Variants in POGLUT1 observed in about 807,000 individuals in gnomAD.
POGLUT1 encodes 9630046K23Rik.
In POGLUT1, 32 loss-of-function variants were observed where a neutral mutation model predicts 61.3. That is an observed-to-expected ratio of 0.52 (90% CI 0.39 to 0.70). The LOEUF is 0.70. Ranked by LOEUF, POGLUT1 falls within the 30% of genes least tolerant of loss-of-function variation. The probability of loss-of-function intolerance (pLI) is 0.00; values close to 1 mark genes in which losing one functional copy is unlikely to be tolerated. For missense variants in POGLUT1, 411 were observed against 469.8 expected, an observed-to-expected ratio of 0.87 and a Z score of 1.16; for synonymous variants, 158 against 158.2, an observed-to-expected ratio of 1.00 and a Z score of 0.01.
At chr3:119,472,919 T>C (rs1221596617) in intron 3 of POGLUT1, among the ~76,000 whole-genome samples, 1 of 152,090 alleles carries the variant, frequency 6.6e-6, no homozygotes, top group Non-Finnish European at 1.5e-5. Context: ...TAGTCCTAGC[T>C]ACTTGGGAGG....
At chr3:119,477,216 A>G in intron 3 of POGLUT1, 97 bp from the exon 4 acceptor site, 9 of 1,188,220 alleles carry the variant, frequency 7.6e-6, no homozygotes, top group Non-Finnish European at 1.1e-5. Flanking sequence ...ACACTGGAAC[A>G]CTGGCTTGTC....
rs2081725521 is a variant in POGLUT1, at chr3:119,490,272, C to T, written c.798-279C>T. On this transcript the variant is annotated intron_variant, in intron 8 of 10. Coordinates refer to ENST00000295588, the MANE Select transcript of POGLUT1 (RefSeq NM_152305.3). ...TTCTGAGCCCTGTATACACTCTACC[C>T]GGCACCCAGCTCCTGACCCTATCTA... is the stretch of plus-strand genomic sequence containing the variant. The T allele has an allele frequency of 2.2e-5, 9 of 401,862 alleles. No individual in the cohort carries two copies. In the South Asian group the frequency reaches 2.3e-4, roughly 10 times the overall value. The allele number at this position is 401,862 out of a possible 1,614,324, so 24.9% of individuals were successfully genotyped here.
chr3:119,479,012 C>T (rs1221030368), intron 4 of POGLUT1, among the ~76,000 whole-genome samples: 1 of 152,060 alleles, frequency 6.6e-6, no homozygotes, highest in Non-Finnish European at 1.5e-5. Flanking sequence ...GCAACCTCCA[C>T]CTCCCAGGTT....
chr3:119,477,639 G>A (rs1453031996), intron 4 of POGLUT1, among the ~76,000 whole-genome samples, 191 bp downstream of exon 4: 1 of 152,226 alleles, frequency 6.6e-6, no homozygotes, highest in South Asian at 2.1e-4. Flanking sequence ...TTGAGAGCTG[G>A]TAAGTAGTGT....
At chr3:119,486,712 A>G (rs922721395) in intron 6 of POGLUT1, 121 bp from the exon 7 acceptor site, 8 of 743,132 alleles carry the variant, frequency 1.1e-5, no homozygotes, top group Non-Finnish European at 1.9e-5. Flanking sequence ...TCACGTCACC[A>G]GTGAATTGTC....
At chr3:119,471,728 CACAG>C (rs2081476570) in intron 3 of POGLUT1, 1 of 408,192 alleles carries the variant, frequency 2.4e-6, no homozygotes, top group Admixed American at 3.8e-5. Flanking sequence ...AGCGGCAGGA[CACAG>C]GCTGATGAGG....
intron 5 of POGLUT1, among the ~76,000 whole-genome samples, chr3:119,483,011 TG>T (rs1329215313): frequency 6.6e-6 from 1 of 152,186 alleles, no homozygotes; most frequent in African/African-American, 2.4e-5. Flanking sequence ...ATACACAGTT[TG>T]GGTTTGTGTA....
chr3:119,473,716 A>G (rs766870274), intron 3 of POGLUT1, among the ~76,000 whole-genome samples: 58 of 150,022 alleles, frequency 3.9e-4, no homozygotes, highest in Non-Finnish European at 6.3e-4. Flanking sequence ...TCTGGAGTGC[A>G]GTGGTGTGAT....
chr3:119,477,296 G>C lies in POGLUT1; in HGVS notation c.321-17G>C, dbSNP rs988194632. 6.2e-7 allele frequency: 1 copy of C among 1,613,368 alleles called. No individual in the cohort carries two copies. Among genetic ancestry groups the C allele is most frequent in the African/African-American group, 1.3e-5 (1 of 75,022 alleles). ...CAGGCACTACTCTGCTGAATTTATG[G>C]TATGTCTGGTTGACAGGTGTAGTGG... On this transcript the variant is annotated splice_polypyrimidine_tract_variant and intron_variant, in intron 3 of 10. Transcript: ENST00000295588.
Position 119,469,017 on chromosome 3 carries a change from C to A in POGLUT1, c.-5C>A. On this transcript the variant is annotated 5_prime_UTR_variant, in exon 1 of 11. Transcript: ENST00000295588. ...AGCGGGGAATCTGCAGTAGGTCTGC[C>A]GGCGATGGAGTGGTGGGCTAGCTCG... 6 of 1,606,366 alleles carry A rather than the reference C, an allele frequency of 3.7e-6. No individual in the cohort carries two copies. Among genetic ancestry groups the A allele is most frequent in the Non-Finnish European group, 5.1e-6 (6 of 1,177,644 alleles).
At chr3:119,491,039 A>T (rs2081738115) in intron 9 of POGLUT1, among the ~76,000 whole-genome samples, 1 of 151,912 alleles carries the variant, frequency 6.6e-6, no homozygotes, top group South Asian at 2.1e-4. Context: ...GGATTTTCAG[A>T]TACAGCATGA....
At chr3:119,476,904 A>G (rs2081543663) in intron 3 of POGLUT1, among the ~76,000 whole-genome samples, 1 of 152,226 alleles carries the variant, frequency 6.6e-6, no homozygotes, top group Non-Finnish European at 1.5e-5. Flanking sequence ...CTTTGTGAGG[A>G]GCAAAGCCAA....
Position 119,492,441 on chromosome 3 carries a change from G to C in POGLUT1, c.*3G>C. On this transcript the variant is annotated 3_prime_UTR_variant, in exon 11 of 11. Transcript: ENST00000295588. ...AAATGTTGAAAACTGAACTATAGTA[G>C]TCATCATAGGACCATAGTCCTCTTT... 2 of 1,582,008 alleles carry C rather than the reference G, an allele frequency of 1.3e-6. No individual in the cohort carries two copies. Among genetic ancestry groups the C allele is most frequent in the Non-Finnish European group, 1.7e-6 (2 of 1,158,564 alleles).
chr3:119,470,915 C>T (rs567820270), intron 2 of POGLUT1, among the ~76,000 whole-genome samples: 49 of 152,284 alleles, frequency 3.2e-4, no homozygotes, highest in African/African-American at 1.0e-3. Context: ...GTGGACCAGA[C>T]AGACCAGAAC....
At chr3:119,478,946 G>T (rs1354928373) in intron 4 of POGLUT1, among the ~76,000 whole-genome samples, 4 of 150,380 alleles carry the variant, frequency 2.7e-5, no homozygotes, top group African/African-American at 9.8e-5. Context: ...TTTTTTTGAG[G>T]CAGAGTCTCA....
intron 4 of POGLUT1, chr3:119,478,199 T>C: frequency 2.7e-6 from 1 of 371,072 alleles, no homozygotes; most frequent in South Asian, 2.1e-5. Flanking sequence ...GATGGAAGAT[T>C]CTATGGGGTA....
chr3:119,474,869 A>G (rs752860153), intron 3 of POGLUT1, among the ~76,000 whole-genome samples: 1 of 152,190 alleles, frequency 6.6e-6, no homozygotes, highest in Non-Finnish European at 1.5e-5. Flanking sequence ...AAACTAAATT[A>G]AAAGCCAAAT....
chr3:119,469,781 G>A, intron 1 of POGLUT1, 39 bp from the exon 2 acceptor site: 1 of 1,128,600 alleles, frequency 8.9e-7, no homozygotes, highest in Non-Finnish European at 1.3e-6. Context: ...TAACATTCAG[G>A]AAAATTTTTT....
chr3:119,486,683 G>GTA (rs1430480259), intron 6 of POGLUT1, 150 bp from the exon 7 acceptor site: 3 of 696,886 alleles, frequency 4.3e-6, no homozygotes, highest in Non-Finnish European at 7.8e-6. Flanking sequence ...GCAGTACCCA[G>GTA]TATACCCCTC....
Sources: gnomAD v4.1 joint callset for allele counts (sites outside exome capture counted in the v4.1 genomes callset) on GRCh38, gnomAD v4.1.1 for gene constraint, MANE v1.5 for transcripts, NCBI Gene and HGNC (gene_info 2026-07-23, HGNC 2026-07-21) for gene names.